Variants in SETX observed in about 807,000 individuals in gnomAD.
SETX encodes senataxin.
A neutral mutation model predicts 227.2 loss-of-function variants in SETX; 90 were observed. The ratio of observed to expected loss-of-function variants is 0.40; its 90% CI spans 0.33 to 0.47. The LOEUF (loss-of-function observed/expected upper bound fraction) is 0.47, where lower values mean the gene tolerates loss of function less well. Ranked by LOEUF, SETX falls within the 20% of genes least tolerant of loss-of-function variation. The pLI, the probability that SETX is intolerant of heterozygous loss-of-function variation, is 0.91. For missense variants in SETX, 3,052 were observed against 3,181.5 expected, an observed-to-expected ratio of 0.96 and a Z score of 0.98; for synonymous variants, 1,210 against 1,113.2, an observed-to-expected ratio of 1.09 and a Z score of -1.73.
At position 132,283,297 on chromosome 9, in the gene SETX, C is replaced by T. The variant is rs1383926381; in HGVS notation, c.6513G>A (p.Gly2171=). ...LLLESAFRGQ[G]GVPFSCVIVD... ...CAATGACACAGCTGAAGGGGACACC[C>T]CCTTGCCCACGGAAAGCAGACTCAA... The change falls in exon 19 of 26, where the codon GGG becomes GGA. Residue 2171 remains glycine (G), a synonymous_variant. Transcript: ENST00000224140. The T allele has an allele frequency of 6.2e-7, 1 of 1,614,168 alleles. No homozygotes were observed. Among genetic ancestry groups the T allele is most frequent in the Non-Finnish European group, 8.5e-7 (1 of 1,180,020 alleles).
At chr9:132,325,207 T>C (rs923376495) in intron 10 of SETX, among the ~76,000 whole-genome samples, 1 of 151,962 alleles carries the variant, frequency 6.6e-6, no homozygotes, top group African/African-American at 2.4e-5. Flanking sequence ...ATACAAAAAA[T>C]TAGCCGGCCG....
At chr9:132,307,798 C>A (rs1389987668) in intron 11 of SETX, among the ~76,000 whole-genome samples, 1 of 151,956 alleles carries the variant, frequency 6.6e-6, no homozygotes, top group African/African-American at 2.4e-5. Flanking sequence ...CCTGCCCCGG[C>A]CTCCCTAGTA....
chr9:132,318,534 G>A (rs961218636), intron 10 of SETX, among the ~76,000 whole-genome samples: 8 of 152,030 alleles, frequency 5.3e-5, no homozygotes, highest in Non-Finnish European at 2.9e-5. Context: ...AGAGTCATGG[G>A]GATACAACTC....
At position 132,327,827 on chromosome 9, in the gene SETX, T is replaced by G. The variant is rs1225950323; in HGVS notation, c.3771A>C (p.Ser1257=). Residue 1257 remains serine (S), a synonymous_variant, in exon 10 of 26, where the codon TCA becomes TCC. Transcript: ENST00000224140. ...GAGTTGTTCTACAACTTAGGTAATTTGAACTTCTATTCTGTCCTTTTTTGG... is the reference window on the plus strand; with the variant it reads ...GAGTTGTTCTACAACTTAGGTAATTGGAACTTCTATTCTGTCCTTTTTTGG... The part of the protein sequence containing the change: ...SDAKKGQNRS[S]NYLSCRTTPA... The G allele has an allele frequency of 6.2e-7, 1 of 1,614,072 alleles. No homozygotes were observed. The highest frequency in any genetic ancestry group is 8.5e-7 in the Non-Finnish European group (1 of 1,180,044).
rs759475007 is a variant in SETX at position 132,334,721 on chromosome 9, C to G, written c.725G>C (p.Cys242Ser). The G allele has an allele frequency of 6.2e-7, 1 of 1,614,010 alleles. No individual in the cohort carries two copies. The highest frequency in any genetic ancestry group is 2.2e-5 in the East Asian group (1 of 44,868). ...TTCCTCAAGAATGGTCAGCAACATG[C>G]AAATACCTGTAAGATCATTTAGAGT... ...TNYKSYWLGICMLLTILEEQA... is the reference protein window; with the variant it reads ...TNYKSYWLGISMLLTILEEQA... The change falls in exon 7 of 26, where the codon TGC (cysteine) becomes TCC (serine). Residue 242 changes from cysteine to serine, a missense_variant. By Grantham distance (112) the Cys-to-Ser change is moderately radical. Coordinates refer to ENST00000224140, the MANE Select transcript of SETX (RefSeq NM_015046.7).
chr9:132,268,613 G>A (rs1371436264), intron 25 of SETX, among the ~76,000 whole-genome samples: 1 of 152,124 alleles, frequency 6.6e-6, no homozygotes, highest in Non-Finnish European at 1.5e-5. Flanking sequence ...AAGCAGGAAT[G>A]GAAGTACAAT....
chr9:132,291,088 G>A (rs1376158124), intron 15 of SETX, among the ~76,000 whole-genome samples: 2 of 149,178 alleles, frequency 1.3e-5, no homozygotes, highest in Non-Finnish European at 3.0e-5. Flanking sequence ...GTTATCTACA[G>A]CATATTTTTT....
At chr9:132,300,845 G>A in intron 11 of SETX, 42 bp from the exon 12 acceptor site, 1 of 1,525,386 alleles carries the variant, frequency 6.6e-7, no homozygotes, top group Non-Finnish European at 8.9e-7. Context: ...AACTCTAATA[G>A]AATTATTTTA....
In SETX at chr9:132,346,182, G is replaced by A. The variant is rs923858702; in HGVS notation, c.388+79C>T. On this transcript the variant is annotated intron_variant, in intron 4 of 25. Transcript: ENST00000224140. ...AATTATATGTTTAGCAAACAAATTT[G>A]CAATATAGATAAGCCTAAATTCTTA... is the stretch of plus-strand genomic sequence containing the variant. 1.7e-5 allele frequency: 20 copies of A among 1,143,632 alleles called. No individual in the cohort carries two copies. In the South Asian group the frequency reaches 2.3e-4, roughly 13 times the overall value. 70.8% of individuals were successfully genotyped at this position (1,143,632 alleles called of 1,614,324 possible).
At position 132,300,818 on chromosome 9, in the gene SETX, G is replaced by A. The variant is rs1407588376; in HGVS notation, c.5375-15C>T. On this transcript the variant is annotated splice_polypyrimidine_tract_variant and intron_variant, in intron 11 of 25. Transcript: ENST00000224140. Reference sequence around the variant, plus strand: ...TTCCAGATAAACTATGAAACAAGAAGAAGTCGGAATTCATATAACTCTAAT... The same window carrying A: ...TTCCAGATAAACTATGAAACAAGAAAAAGTCGGAATTCATATAACTCTAAT... 6.2e-7 allele frequency: 1 copy of A among 1,609,188 alleles called. No homozygotes were observed.
chr9:132,337,507 T>C (rs1018984305), intron 5 of SETX, among the ~76,000 whole-genome samples: 2 of 149,846 alleles, frequency 1.3e-5, no homozygotes, highest in Non-Finnish European at 3.0e-5. Flanking sequence ...TTTTACAAAA[T>C]ACATTATATA....
At chr9:132,339,589 G>C (rs777352914) in intron 5 of SETX, among the ~76,000 whole-genome samples, 2 of 152,110 alleles carry the variant, frequency 1.3e-5, no homozygotes, top group Non-Finnish European at 2.9e-5. Context: ...ATAAGGTAGG[G>C]ATCTAACCTC....
Position 132,306,616 on chromosome 9 carries a change from T to C in SETX, c.5374+5141A>G, listed in dbSNP as rs1448534024. Among the ~76,000 whole-genome samples the C allele has an allele frequency of 2.6e-5, 4 of 152,266 alleles. No individual in the cohort carries two copies. In the East Asian group the frequency reaches 5.8e-4, roughly 22 times the overall value. On this transcript the variant is annotated intron_variant, in intron 11 of 25. Coordinates refer to ENST00000224140, the MANE Select transcript of SETX (RefSeq NM_015046.7). ...GTTCACCTACTTCAATTGTATTTCTTTTTAAGGCTTGCTTTTTAAAATTCA... is the reference window on the plus strand; with the variant it reads ...GTTCACCTACTTCAATTGTATTTCTCTTTAAGGCTTGCTTTTTAAAATTCA...
intron 5 of SETX, among the ~76,000 whole-genome samples, chr9:132,339,185 T>C (rs1245115697): frequency 6.6e-6 from 1 of 152,176 alleles, no homozygotes; most frequent in Non-Finnish European, 1.5e-5. Context: ...CTTTCGTTTC[T>C]ATAAAACCCT....
intron 14 of SETX, among the ~76,000 whole-genome samples, chr9:132,296,614 A>G (rs754690947): frequency 2.0e-5 from 3 of 151,966 alleles, no homozygotes; most frequent in Non-Finnish European, 4.4e-5. Flanking sequence ...CAGCATTCAC[A>G]GCATTCTACG....
chr9:132,352,687 C>A (rs949220755), intron 2 of SETX, among the ~76,000 whole-genome samples: 48 of 152,212 alleles, frequency 3.2e-4, no homozygotes, highest in African/African-American at 1.1e-3. Context: ...TACTCAATAA[C>A]TGACAGCCTA....
intron 4 of SETX, 97 bp downstream of exon 4, chr9:132,346,164 T>C (rs977917873): frequency 1.0e-6 from 1 of 977,580 alleles, no homozygotes; most frequent in Admixed American, 2.0e-5. Flanking sequence ...CCTAATTATA[T>C]GTTTAGCAAA....
intron 17 of SETX, 112 bp from the exon 18 acceptor site, chr9:132,286,606 A>G: frequency 6.5e-6 from 5 of 773,916 alleles, no homozygotes; most frequent in Non-Finnish European, 1.1e-5. Flanking sequence ...TGAAAAATGT[A>G]TTTACCCAGC....
intron 22 of SETX, among the ~76,000 whole-genome samples, chr9:132,275,683 T>C (rs1843126130): frequency 6.6e-6 from 1 of 152,210 alleles, no homozygotes; most frequent in Admixed American, 6.5e-5. Flanking sequence ...AGAAAAGAGT[T>C]TGAAATCAAC....
Sources: allele counts gnomAD v4.1 joint callset (sites outside exome capture counted in the v4.1 genomes callset), GRCh38; gene constraint gnomAD v4.1.1; transcripts MANE v1.5; gene names NCBI Gene and HGNC (gene_info 2026-07-23, HGNC 2026-07-21).